Variants in DNAH14 observed in about 807,000 individuals in gnomAD.
DNAH14 encodes axonemal beta dynein heavy chain 14.
In DNAH14, 478 loss-of-function variants were observed where a neutral mutation model predicts 520.9. That is an observed-to-expected ratio of 0.92 (90% CI 0.85 to 0.99). The LOEUF (loss-of-function observed/expected upper bound fraction) is 0.99. Ranked by LOEUF, DNAH14 falls within the 50% of genes least tolerant of loss-of-function variation. The probability of loss-of-function intolerance (pLI) is 0.00; values close to 1 mark genes in which losing one functional copy is unlikely to be tolerated. For synonymous variants in DNAH14, 1,581 were observed against 1,757.2 expected, an observed-to-expected ratio of 0.90 and a Z score of 2.51; for missense variants, 4,831 against 5,234.5, an observed-to-expected ratio of 0.92 and a Z score of 2.38.
rs1224966160 is a variant in DNAH14 at position 225,160,937 on chromosome 1, T to A, written c.5445+1452T>A. 2.0e-5 allele frequency among the ~76,000 whole-genome samples: 3 copies of A among 152,196 alleles called. No individual in the cohort carries two copies. The East Asian group carries it at 5.8e-4, about 29-fold the overall frequency. ...GTTTCTATTCTGTTTCCAGCTTTTT[T>A]AGTAAGAAGTCTAATTCATTTGTTT... is the stretch of plus-strand genomic sequence containing the variant. On this transcript the variant is annotated intron_variant, in intron 35 of 85. Transcript: ENST00000682510.
intron 7 of DNAH14, among the ~76,000 whole-genome samples, chr1:224,971,499 A>G (rs886366550): frequency 1.3e-5 from 2 of 152,168 alleles, no homozygotes; most frequent in Non-Finnish European, 2.9e-5. Context: ...TTCTGTTCCT[A>G]TAGAACTTAG....
At chr1:225,022,897 G>A (rs760668297) in intron 10 of DNAH14, among the ~76,000 whole-genome samples, 2 of 152,148 alleles carry the variant, frequency 1.3e-5, no homozygotes, top group Non-Finnish European at 2.9e-5. Context: ...ATACACTATG[G>A]AATACCACCC....
At chr1:225,371,597 T>C (rs2095619595) in intron 77 of DNAH14, among the ~76,000 whole-genome samples, 1 of 152,158 alleles carries the variant, frequency 6.6e-6, no homozygotes. Context: ...AAAATTATAA[T>C]AATTCATATT....
At chr1:225,061,898 G>T (rs778320513) in intron 17 of DNAH14, among the ~76,000 whole-genome samples, 1 of 152,180 alleles carries the variant, frequency 6.6e-6, no homozygotes, top group Non-Finnish European at 1.5e-5. Context: ...TTAGAACATT[G>T]ATTATGATGT....
chr1:225,058,531 T>A (rs2069505603), intron 17 of DNAH14, among the ~76,000 whole-genome samples: 3 of 152,228 alleles, frequency 2.0e-5, no homozygotes, highest in Admixed American at 6.5e-5. Context: ...TCTATGTCCT[T>A]CATTTCTGCT....
chr1:225,113,263 A>C (rs2076616027), intron 23 of DNAH14, among the ~76,000 whole-genome samples: 2 of 152,166 alleles, frequency 1.3e-5, no homozygotes, highest in Admixed American at 1.3e-4. Context: ...GCCTTGGATA[A>C]GATTCAGAAG....
In DNAH14 at chr1:225,265,379, C is replaced by T. The variant is rs1184871730; in HGVS notation, c.7410+10C>T. ...ACCAAAAAACAACCGGGTAAAACAC[C>T]TCTCATACCTGTTCAATAATCTGCT... is the stretch of plus-strand genomic sequence containing the variant. On this transcript the variant is annotated intron_variant, in intron 48 of 85. Transcript: ENST00000682510. 1 of 1,518,022 alleles carries T rather than the reference C, an allele frequency of 6.6e-7. No individual in the cohort carries two copies. The highest frequency in any genetic ancestry group is 8.8e-7 in the Non-Finnish European group (1 of 1,137,458). The allele number at this position is 1,518,022 out of a possible 1,614,324, so 94.0% of individuals were successfully genotyped here. A position where few individuals can be genotyped will look rare whatever the true frequency, so the allele number is the denominator to read the frequency against.
chr1:225,023,825 A>G lies in DNAH14; in HGVS notation c.1318A>G (p.Met440Val), dbSNP rs1301319495. Residue 440 changes from methionine to valine, a missense_variant, in exon 11 of 86, where the codon ATG becomes GTG. Coordinates refer to ENST00000682510, the MANE Select transcript of DNAH14 (RefSeq NM_001367479.1). ...LLELFNGSAG[M>V]PFSVEKKNEN... is the part of the protein sequence containing the mutation. ...GGAATTATTTAATGGTTCTGCTGGAATGCCATTTTCAGTGGAAAAAAAGAA... is the reference window on the plus strand; with the variant it reads ...GGAATTATTTAATGGTTCTGCTGGAGTGCCATTTTCAGTGGAAAAAAAGAA... 3.6e-5 allele frequency: 56 copies of G among 1,541,498 alleles called. No individual in the cohort carries two copies. In the East Asian group the frequency reaches 1.2e-3, roughly 33 times the overall value.
intron 41 of DNAH14, among the ~76,000 whole-genome samples, chr1:225,210,768 G>C (rs2088275244): frequency 6.6e-6 from 1 of 152,166 alleles, no homozygotes; most frequent in African/African-American, 2.4e-5. Flanking sequence ...CTGGCATCTG[G>C]TGGGTGCCCC....
intron 23 of DNAH14, among the ~76,000 whole-genome samples, chr1:225,108,929 A>G (rs1013294522): frequency 2.0e-5 from 3 of 152,196 alleles, no homozygotes; most frequent in Non-Finnish European, 4.4e-5. Flanking sequence ...ATTCTTCTGC[A>G]TATAGATATC....
intron 35 of DNAH14, among the ~76,000 whole-genome samples, chr1:225,166,116 C>CAAAGA (rs1236041419): frequency 3.3e-5 from 5 of 152,250 alleles, no homozygotes; most frequent in African/African-American, 1.2e-4. Context: ...CTCTCTCTGG[C>CAAAGA]AGGGCCTACA....
chr1:225,115,172 T>G (rs1235723994), intron 23 of DNAH14, among the ~76,000 whole-genome samples: 1 of 152,062 alleles, frequency 6.6e-6, no homozygotes, highest in Admixed American at 6.5e-5. Context: ...AGTCTCTCTC[T>G]GTGTGCTAAG....
intron 81 of DNAH14, among the ~76,000 whole-genome samples, chr1:225,387,142 A>G (rs1575146149): frequency 6.6e-6 from 1 of 152,164 alleles, no homozygotes; most frequent in East Asian, 1.9e-4. Context: ...CAAGGACAGA[A>G]AACCAAACAC....
chr1:225,241,173 CT>C lies in DNAH14; in HGVS notation c.6748+359del, dbSNP rs910244584. Among the ~76,000 whole-genome samples the C allele has an allele frequency of 2.2e-4, 32 of 144,902 alleles. No homozygotes were observed. The Middle Eastern group carries it at 0.01, about 47-fold the overall frequency. On this transcript the variant is annotated intron_variant, in intron 43 of 85. Coordinates refer to ENST00000682510, the MANE Select transcript of DNAH14 (RefSeq NM_001367479.1). ...ATCATAATATTATAGTCTTATATTT[CT>C]TTTTTTTAAAAAAATCCAAATTATT...
At chr1:224,975,314 C>T (rs1455745589) in intron 8 of DNAH14, among the ~76,000 whole-genome samples, 8 of 152,022 alleles carry the variant, frequency 5.3e-5, no homozygotes, top group Non-Finnish European at 5.9e-5. Context: ...CCAGTTCCTC[C>T]TTGTACCTCT....
intron 54 of DNAH14, among the ~76,000 whole-genome samples, chr1:225,288,744 T>C (rs918489376): frequency 6.6e-6 from 1 of 152,066 alleles, no homozygotes; most frequent in Non-Finnish European, 1.5e-5. Flanking sequence ...ATTAGGGAAA[T>C]GCAAATTAAA....
chr1:225,102,361 G>T (rs147127891), intron 23 of DNAH14, among the ~76,000 whole-genome samples: 91 of 152,256 alleles, frequency 6.0e-4, no homozygotes, highest in African/African-American at 2.1e-3. Flanking sequence ...ACGTGTGCAT[G>T]TGTCTTTATC....
chr1:225,139,340 A>C (rs773178153), intron 27 of DNAH14, among the ~76,000 whole-genome samples: 4 of 152,246 alleles, frequency 2.6e-5, no homozygotes, highest in Non-Finnish European at 5.9e-5. Context: ...AATGATAAGC[A>C]GCCTGTATTC....
At chr1:225,324,865 C>CA in intron 64 of DNAH14, 33 bp downstream of exon 64, 2 of 1,479,006 alleles carry the variant, frequency 1.4e-6, no homozygotes, top group Non-Finnish European at 1.8e-6. Context: ...CAAAATAAGA[C>CA]AAAACACCAG....
Sources: allele counts gnomAD v4.1 joint callset (sites outside exome capture counted in the v4.1 genomes callset), GRCh38; gene constraint gnomAD v4.1.1; transcripts MANE v1.5; gene names NCBI Gene and HGNC (gene_info 2026-07-23, HGNC 2026-07-21).